The following ANKRD17 variants were observed in gnomAD, a reference collection of about 807,000 sequenced individuals.
ANKRD17 encodes ankyrin repeat domain-containing protein 17.
A neutral mutation model predicts 229.7 loss-of-function variants in ANKRD17; 19 were observed. That is an observed-to-expected ratio of 0.08 (90% confidence interval 0.06 to 0.12). ANKRD17 has a LOEUF of 0.12. ANKRD17 is among the 10% of genes least tolerant of loss of function. The pLI is 1.00. For synonymous variants in ANKRD17, 1,112 were observed against 1,146.1 expected (o/e 0.97, Z 0.60); for missense variants, 2,176 against 3,176.8 (o/e 0.68, Z 7.57).
In ANKRD17 at chr4:73,132,109, G is replaced by GTT. The variant is rs767522435; in HGVS notation, c.3234+3006_3234+3007dup. ...TACCTGCTTGATATAAAAACTAGTT[G>GTT]TTTTTTTTTTTTTTGAGACAGAGTT... On this transcript the variant is annotated intron_variant, in intron 16 of 33. Coordinates refer to ENST00000358602, the MANE Select transcript of ANKRD17 (RefSeq NM_032217.5). 3.3e-4 allele frequency among the ~76,000 whole-genome samples: 46 copies of GTT among 140,154 alleles called. No homozygotes were observed. The East Asian group carries it at 5.6e-3, about 17-fold the overall frequency. 91.9% of individuals were successfully genotyped at this position (140,154 alleles called of 152,430 possible). A position where few individuals can be genotyped will look rare whatever the true frequency, so the allele number is the denominator to read the frequency against.
rs1212320866 is a variant in ANKRD17, at chr4:73,094,648, AAATGT to A, written c.5178-425_5178-421del. Among the ~76,000 whole-genome samples, 6 of 151,316 alleles carry A rather than the reference AAATGT, an allele frequency of 4.0e-5. No individual in the cohort carries two copies. The East Asian group carries it at 1.2e-3, about 29-fold the overall frequency. ...CAATAGTATGTGTGTACACACACACAAATGTATTATATATACATATATGTATATAT... is the reference window on the plus strand; with the variant it reads ...CAATAGTATGTGTGTACACACACACAATTATATATACATATATGTATATAT... On this transcript the variant is annotated intron_variant, in intron 27 of 33. Transcript: ENST00000358602.
chr4:73,159,903 G>A (rs1487686753), intron 3 of ANKRD17, among the ~76,000 whole-genome samples: 1 of 152,086 alleles, frequency 6.6e-6, no homozygotes, highest in Non-Finnish European at 1.5e-5. Context: ...CACTAATAAA[G>A]AGCCAAGAGA....
At chr4:73,170,857 T>C (rs1326007830) in intron 2 of ANKRD17, among the ~76,000 whole-genome samples, 2 of 152,070 alleles carry the variant, frequency 1.3e-5, no homozygotes, top group African/African-American at 4.8e-5. Context: ...TACAGTACAA[T>C]AGACCCTCAT....
chr4:73,207,569 T>C (rs1739641471), intron 1 of ANKRD17, among the ~76,000 whole-genome samples: 1 of 152,154 alleles, frequency 6.6e-6, no homozygotes, highest in Non-Finnish European at 1.5e-5. Context: ...GTTAAAAGAA[T>C]GGAGAAAGAT....
At chr4:73,115,247 C>T (rs1725803272) in intron 23 of ANKRD17, among the ~76,000 whole-genome samples, 1 of 152,080 alleles carries the variant, frequency 6.6e-6, no homozygotes, top group Non-Finnish European at 1.5e-5. Context: ...CTTTGAATTA[C>T]TTAGTGTTCA....
chr4:73,140,564 G>A (rs1729472497), intron 14 of ANKRD17, among the ~76,000 whole-genome samples: 1 of 152,118 alleles, frequency 6.6e-6, no homozygotes, highest in Non-Finnish European at 1.5e-5. Flanking sequence ...TGATATCTAA[G>A]TGTGCAATTA....
intron 1 of ANKRD17, among the ~76,000 whole-genome samples, chr4:73,184,316 G>A (rs1326118262): frequency 6.6e-6 from 1 of 151,974 alleles, no homozygotes; most frequent in African/African-American, 2.4e-5. Flanking sequence ...ATCACCTGAG[G>A]TCAGGAGTTC....
chr4:73,121,270 T>G, intron 19 of ANKRD17, 176 bp from the exon 20 acceptor site: 1 of 644,954 alleles, frequency 1.6e-6, no homozygotes, highest in Non-Finnish European at 2.6e-6. Context: ...TAGAAATGTT[T>G]TATTAGAATA....
chr4:73,238,956 T>C (rs1743763847), intron 1 of ANKRD17, among the ~76,000 whole-genome samples: 1 of 152,150 alleles, frequency 6.6e-6, no homozygotes, highest in East Asian at 1.9e-4. Flanking sequence ...ACTGGGAAGA[T>C]TAAATGATAT....
intron 1 of ANKRD17, among the ~76,000 whole-genome samples, chr4:73,185,221 A>C (rs1736136403): frequency 6.6e-6 from 1 of 151,408 alleles, no homozygotes; most frequent in African/African-American, 2.4e-5. Flanking sequence ...ATAAATAAAA[A>C]ATATTTATTA....
intron 21 of ANKRD17, 36 bp downstream of exon 21, chr4:73,120,125 CT>C (rs752170608): frequency 2.3e-5 from 37 of 1,586,614 alleles, no homozygotes; most frequent in Non-Finnish European, 2.9e-5. Context: ...ACTAGTAACA[CT>C]TGTGTTCATA....
intron 1 of ANKRD17, among the ~76,000 whole-genome samples, chr4:73,203,758 C>CAAAAAAAAAAAAAAAAAAAAAA (rs67020753): frequency 1.2e-5 from 1 of 82,166 alleles, no homozygotes; most frequent in African/African-American, 5.2e-5. Context: ...GACTCCGTCT[C>CAAAAAAAAAAAAAAAAAAAAAA]AAAAAAAAAA....
At chr4:73,085,129 C>T in intron 30 of ANKRD17, 120 bp downstream of exon 30, 1 of 1,110,234 alleles carries the variant, frequency 9.0e-7, no homozygotes, top group Non-Finnish European at 1.3e-6. Flanking sequence ...TTTGAAATTC[C>T]AGACTTCTAA....
chr4:73,230,387 T>A (rs907684574), intron 1 of ANKRD17, among the ~76,000 whole-genome samples: 1 of 152,156 alleles, frequency 6.6e-6, no homozygotes, highest in South Asian at 2.1e-4. Context: ...TACAATTGTT[T>A]TGTAAGATCA....
chr4:73,163,592 T>C (rs536572912), intron 2 of ANKRD17, among the ~76,000 whole-genome samples: 90 of 152,356 alleles, frequency 5.9e-4, no homozygotes, highest in African/African-American at 2.1e-3. Flanking sequence ...AGGTGTTCAA[T>C]AATATCACAT....
intron 22 of ANKRD17, 35 bp from the exon 23 acceptor site, chr4:73,115,951 G>A (rs977775896): frequency 1.2e-5 from 19 of 1,555,194 alleles, no homozygotes; most frequent in Non-Finnish European, 1.7e-5. Context: ...ATTGAAAACA[G>A]ACTCTAACAG....
intron 1 of ANKRD17, among the ~76,000 whole-genome samples, chr4:73,185,323 T>G (rs1389238337): frequency 6.6e-6 from 1 of 151,894 alleles, no homozygotes; most frequent in Non-Finnish European, 1.5e-5. Flanking sequence ...TTTGTTGTTC[T>G]GGAAAATACT....
In ANKRD17 at chr4:73,076,933, G is replaced by C; in HGVS notation, c.7752+7C>G. The C allele has an allele frequency of 6.2e-7, 1 of 1,606,824 alleles. No individual in the cohort carries two copies. Among genetic ancestry groups the C allele is most frequent in the Non-Finnish European group, 8.5e-7 (1 of 1,177,290 alleles). On this transcript the variant is annotated splice_region_variant and intron_variant, in intron 33 of 33. Coordinates refer to ENST00000358602, the MANE Select transcript of ANKRD17 (RefSeq NM_032217.5). Reference sequence around the variant, plus strand: ...CAACTGTTTATTCACTGAATGATCAGCCTCACCGTTTGAGGGCCATTATTT... The same window carrying C: ...CAACTGTTTATTCACTGAATGATCACCCTCACCGTTTGAGGGCCATTATTT...
chr4:73,103,589 T>C (rs1179475163), intron 24 of ANKRD17, among the ~76,000 whole-genome samples: 1 of 152,190 alleles, frequency 6.6e-6, no homozygotes. Context: ...CTAAAAGATG[T>C]TTTTTAAAAA....
Sources: allele counts gnomAD v4.1 joint callset (sites outside exome capture counted in the v4.1 genomes callset), GRCh38; gene constraint gnomAD v4.1.1; transcripts MANE v1.5; gene names NCBI Gene and HGNC (gene_info 2026-07-23, HGNC 2026-07-21).